Variants in KMT2A observed in about 807,000 individuals in gnomAD.
KMT2A encodes the protein lysine methyltransferase 2A.
In KMT2A, 16 loss-of-function variants were observed where a neutral mutation model predicts 345.3. The ratio of observed to expected loss-of-function variants is 0.05; its 90% confidence interval spans 0.03 to 0.07. The LOEUF is 0.07. Among genes scored for constraint, KMT2A ranks in the 10% least tolerant of loss-of-function variants. KMT2A has a pLI of 1.00. For synonymous variants in KMT2A, 1,599 were observed against 1,778.6 expected (o/e 0.90, Z 2.54); for missense variants, 3,272 against 4,841.6 (o/e 0.68, Z 9.62).
Position 118,490,124 on chromosome 11 carries a change from T to G in KMT2A, c.4576-5T>G. 1 of 1,604,550 alleles carries G rather than the reference T, an allele frequency of 6.2e-7. No individual in the cohort carries two copies. The highest frequency in any genetic ancestry group is 8.5e-7 in the Non-Finnish European group (1 of 1,177,732). On this transcript the variant is annotated splice_polypyrimidine_tract_variant and splice_region_variant and intron_variant, in intron 12 of 35. Coordinates refer to ENST00000534358, the MANE Select transcript of KMT2A (RefSeq NM_001197104.2). The surrounding 1 kb of genome is among the most constrained non-coding windows in gnomAD (Gnocchi z 4.2). ...TCCTATTGAATTTCTTTTCTTCTTT[T>G]CTAGATCTGTACCAAGTGTGTTCGC...
chr11:118,503,720 C>G lies in KMT2A; in HGVS notation c.7828C>G (p.Gln2610Glu). Residue 2610 changes from glutamine to glutamate, a missense_variant, in exon 27 of 36, where the codon CAG becomes GAG. Around this residue, in one of 27 missense-constraint regions of KMT2A, gnomAD observed 445 missense variants for 500.9 expected, o/e 0.89. Coordinates refer to ENST00000534358, the MANE Select transcript of KMT2A (RefSeq NM_001197104.2). This position sits in a 1 kb window ranked among gnomAD's most constrained non-coding sequence, Gnocchi z 5.3. ...AATGCTTCCAGATGGCCCCAAACCT[C>G]AGGAGGATGGCTCTTTTAAAAGGAG... ...NLMLPDGPKP[Q>E]EDGSFKRRYP... 1 of 1,614,204 alleles carries G rather than the reference C, an allele frequency of 6.2e-7. No individual in the cohort carries two copies. The highest frequency in any genetic ancestry group is 8.5e-7 in the Non-Finnish European group (1 of 1,180,040).
chr11:118,503,361 T>C lies in KMT2A; in HGVS notation c.7469T>C (p.Ile2490Thr). Reference protein sequence around the residue: ...RPCNNVSSDKIGDKGLSMPGV... With the variant: ...RPCNNVSSDKTGDKGLSMPGV... The stretch of plus-strand genomic sequence containing the variant: ...TGTAACAATGTTTCTTCTGATAAGA[T>C]TGGTGATAAAGGCCTTTCTATGCCA... Residue 2490 changes from isoleucine (I) to threonine (T), a missense_variant, in exon 27 of 36, where the codon ATT becomes ACT. By Grantham distance (89) the Ile-to-Thr change is moderately conservative (BLOSUM62 -1). Around this residue, in one of 27 missense-constraint regions of KMT2A, gnomAD observed 445 missense variants for 500.9 expected, o/e 0.89. Coordinates refer to ENST00000534358, the MANE Select transcript of KMT2A (RefSeq NM_001197104.2). This position sits in a 1 kb window ranked among gnomAD's most constrained non-coding sequence, Gnocchi z 5.3. 6.2e-7 allele frequency: 1 copy of C among 1,614,110 alleles called. No individual in the cohort carries two copies. The highest frequency in any genetic ancestry group is 8.5e-7 in the Non-Finnish European group (1 of 1,180,014).
chr11:118,512,259 T>G (rs1226869224), intron 31 of KMT2A: 2 of 551,496 alleles, frequency 3.6e-6, no homozygotes, highest in South Asian at 2.5e-5. Context: ...AACATTCTCA[T>G]CATCCCTAAA....
rs1206752804 is a variant in KMT2A, at chr11:118,436,692, G to GGCGGCC, written c.186_191dup (p.Ala66_Ala67dup). The GGCGGCC allele has an allele frequency of 6.1e-6, 8 of 1,303,540 alleles. No homozygotes were observed. The highest frequency in any genetic ancestry group is 7.8e-6 in the Non-Finnish European group (8 of 1,023,038). The allele number at this position is 1,303,540 out of a possible 1,614,324, so 80.7% of individuals were successfully genotyped here. A position where few individuals can be genotyped will look rare whatever the true frequency, so the allele number is the denominator to read the frequency against. On this transcript the variant is annotated inframe_insertion, in exon 1 of 36. Coordinates refer to ENST00000534358, the MANE Select transcript of KMT2A (RefSeq NM_001197104.2). This position sits in a 1 kb window ranked among gnomAD's most constrained non-coding sequence, Gnocchi z 6.9. ...GGGCGCCCCCCTCCCCCCCGGCTGT[G>GGCGGCC]GCGGCCGCGGCGGCGGCGGCGGGAA...
chr11:118,521,057 T>A lies in KMT2A; in HGVS notation c.11513+172T>A. 2 of 654,034 alleles carry A rather than the reference T, an allele frequency of 3.1e-6. No individual in the cohort carries two copies. Among genetic ancestry groups the A allele is most frequent in the Non-Finnish European group, 5.4e-6 (2 of 370,318 alleles). 40.5% of individuals were successfully genotyped at this position (654,034 alleles called of 1,614,324 possible). On this transcript the variant is annotated intron_variant, in intron 34 of 35. Transcript: ENST00000534358. The surrounding 1 kb of genome is among the most constrained non-coding windows in gnomAD (Gnocchi z 5.3). The stretch of plus-strand genomic sequence containing the variant: ...CACCTCCTTGTGTTGAACAAGGACT[T>A]TAACATAATAAGCATTAAAATATTA...
At position 118,505,001 on chromosome 11, in the gene KMT2A, C is replaced by T. The variant is rs1950556859; in HGVS notation, c.9109C>T (p.Pro3037Ser). The change falls in exon 27 of 36, where the codon CCT becomes TCT. Residue 3037 changes from proline (P) to serine (S), a missense_variant. Physicochemically the swap from Pro to Ser is moderately conservative, Grantham distance 74. Around this residue, in one of 27 missense-constraint regions of KMT2A, gnomAD observed 748 missense variants for 922.2 expected, o/e 0.81. Coordinates refer to ENST00000534358, the MANE Select transcript of KMT2A (RefSeq NM_001197104.2). The surrounding 1 kb of genome is among the most constrained non-coding windows in gnomAD (Gnocchi z 4.6). ...RNSSTPGLQV[P>S]VSPTVPIQNQ... ...CAGTAGCACCCCTGGCCTTCAGGTA[C>T]CTGTTTCCCCAACTGTTCCCATCCA... 1 of 1,613,984 alleles carries T rather than the reference C, an allele frequency of 6.2e-7. No homozygotes were observed. The highest frequency in any genetic ancestry group is 1.7e-5 in the Admixed American group (1 of 60,000).
chr11:118,489,691 C>T, intron 11 of KMT2A, 101 bp from the exon 12 acceptor site: 1 of 862,860 alleles, frequency 1.2e-6, no homozygotes, highest in Non-Finnish European at 1.9e-6. Context: ...TAATTGTGTG[C>T]TGTACTTACT....
chr11:118,498,031 A>G lies in KMT2A; in HGVS notation c.5760A>G (p.Ser1920=), dbSNP rs781956838. The change falls in exon 21 of 36, where the codon TCA becomes TCG. Residue 1920 remains serine, a synonymous_variant. Coordinates refer to ENST00000534358, the MANE Select transcript of KMT2A (RefSeq NM_001197104.2). This position sits in a 1 kb window ranked among gnomAD's most constrained non-coding sequence, Gnocchi z 4.4. ...AAGTGTTTGAAGATGATGACGGATC[A>G]CTAAAGAATGTGCATATGGCTGTGA... The part of the protein sequence containing the change: ...SAEVFEDDDG[S]LKNVHMAVIR... The G allele has an allele frequency of 1.2e-6, 2 of 1,614,192 alleles. No individual in the cohort carries two copies. The highest frequency in any genetic ancestry group is 2.2e-5 in the South Asian group (2 of 91,080).
At chr11:118,469,530 G>C (rs376213306) in intron 2 of KMT2A, among the ~76,000 whole-genome samples, 44 of 152,278 alleles carry the variant, frequency 2.9e-4, no homozygotes, top group African/African-American at 1.0e-3. Flanking sequence ...AGAATATCTT[G>C]AAATTCTAGA....
At position 118,481,772 on chromosome 11, in the gene KMT2A, G is replaced by A. The variant is rs1950136860; in HGVS notation, c.3692G>A (p.Ser1231Asn). 6.2e-7 allele frequency: 1 copy of A among 1,614,194 alleles called. No individual in the cohort carries two copies. ...AGTGAAAAGAAAGACAGCAAAGAGA[G>A]CAGTGTTGTGAAGAACGTGGTGGAC... ...KTSEKKDSKE[S>N]SVVKNVVDSS... The change falls in exon 7 of 36, where the codon AGC becomes AAC. Residue 1231 changes from serine to asparagine, a missense_variant. By Grantham distance (46) the Ser-to-Asn change is conservative (BLOSUM62 1). Coordinates refer to ENST00000534358, the MANE Select transcript of KMT2A (RefSeq NM_001197104.2).
At position 118,491,460 on chromosome 11, in the gene KMT2A, A is replaced by G. The variant is rs916734399; in HGVS notation, c.4819+142A>G. The stretch of plus-strand genomic sequence containing the variant: ...TTTTTTAGTCTCTAGAATAAGCAGC[A>G]TTGTATTATTTGTGCTCACTTATCT... On this transcript the variant is annotated intron_variant, in intron 14 of 35. Coordinates refer to ENST00000534358, the MANE Select transcript of KMT2A (RefSeq NM_001197104.2). This position sits in a 1 kb window ranked among gnomAD's most constrained non-coding sequence, Gnocchi z 4.2. 3.5e-5 allele frequency: 29 copies of G among 829,008 alleles called. No individual in the cohort carries two copies. The highest frequency in any genetic ancestry group is 4.7e-5 in the Non-Finnish European group (26 of 549,376). The allele number at this position is 829,008 out of a possible 1,614,324, so 51.4% of individuals were successfully genotyped here.
Position 118,499,888 on chromosome 11 carries a change from G to C in KMT2A, c.6133G>C (p.Asp2045His). The change falls in exon 24 of 36, where the codon GAT (aspartate) becomes CAT (histidine). Residue 2045 changes from aspartate to histidine, a missense_variant. This residue lies in a region of KMT2A where 235 missense variants were observed against 503.4 expected (regional missense o/e 0.47). Transcript: ENST00000534358. ...TCTAAATGATCTCTCCGACTGTGAA[G>C]ATAAGCTCTTTCCTATTGGATATCA... ...GILNDLSDCE[D>H]KLFPIGYQCS... The C allele has an allele frequency of 6.2e-7, 1 of 1,612,338 alleles. No homozygotes were observed. The highest frequency in any genetic ancestry group is 8.5e-7 in the Non-Finnish European group (1 of 1,178,394).
At chr11:118,477,174 G>T (rs1950051942) in intron 4 of KMT2A, among the ~76,000 whole-genome samples, 192 bp downstream of exon 4, 1 of 152,190 alleles carries the variant, frequency 6.6e-6, no homozygotes, top group Non-Finnish European at 1.5e-5. Context: ...GCCAGGGAAG[G>T]CTGGGAGAGC....
intron 25 of KMT2A, 104 bp from the exon 26 acceptor site, chr11:118,501,568 T>C (rs1555045652): frequency 1.1e-6 from 1 of 925,478 alleles, no homozygotes; most frequent in African/African-American, 1.7e-5. Flanking sequence ...AAGTCTCATT[T>C]GCTTCTAGTT....
rs782669019 is a variant in KMT2A, at chr11:118,503,548, A to G, written c.7656A>G (p.Gln2552=). Residue 2552 remains glutamine (Q), a synonymous_variant, in exon 27 of 36, where the codon CAA becomes CAG. Coordinates refer to ENST00000534358, the MANE Select transcript of KMT2A (RefSeq NM_001197104.2). The surrounding 1 kb of genome is among the most constrained non-coding windows in gnomAD (Gnocchi z 5.3). ...AAAGTAGTCCTGCTTCCCCTTTGCA[A>G]ATAGAGTCAACATCTCCCACAGAAC... is the stretch of plus-strand genomic sequence containing the variant. ...LKESSPASPL[Q]IESTSPTEPI... is the part of the protein sequence containing the mutation. 2.5e-6 allele frequency: 4 copies of G among 1,614,050 alleles called. No individual in the cohort carries two copies. The African/African-American group carries it at 5.3e-5, about 22-fold the overall frequency.
chr11:118,520,029 T>G lies in KMT2A; in HGVS notation c.11394T>G (p.Asp3798Glu), dbSNP rs1338736790. ...HRQPPEYNPN[D>E]EEEEEVQLKS... is the part of the protein sequence containing the mutation. ...AGCCTCCTGAATACAACCCCAATGATGAAGAAGAGGAGGAGGTACAGCTGA... is the reference window on the plus strand; with the variant it reads ...AGCCTCCTGAATACAACCCCAATGAGGAAGAAGAGGAGGAGGTACAGCTGA... Residue 3798 changes from aspartate (D) to glutamate (E), a missense_variant, in exon 33 of 36, where the codon GAT becomes GAG. By Grantham distance (45) the Asp-to-Glu change is conservative. Transcript: ENST00000534358. The surrounding 1 kb of genome is among the most constrained non-coding windows in gnomAD (Gnocchi z 4.3). The G allele has an allele frequency of 1.9e-6, 3 of 1,613,956 alleles. No individual in the cohort carries two copies. The highest frequency in any genetic ancestry group is 2.5e-6 in the Non-Finnish European group (3 of 1,179,948).
At chr11:118,460,406 G>A (rs1555032287) in intron 1 of KMT2A, among the ~76,000 whole-genome samples, 3 of 151,260 alleles carry the variant, frequency 2.0e-5, no homozygotes, top group African/African-American at 7.3e-5. Flanking sequence ...TCCTACCTCA[G>A]CCTCCCGAGT....
chr11:118,503,305 T>G lies in KMT2A; in HGVS notation c.7413T>G (p.Val2471=). The G allele has an allele frequency of 6.2e-7, 1 of 1,614,106 alleles. No individual in the cohort carries two copies. The highest frequency in any genetic ancestry group is 8.5e-7 in the Non-Finnish European group (1 of 1,179,952). ...TGAAGCCAGAGTTTATGGATGAGGT[T>G]TTGACTCCTGAGTATATGGGCCAAC... is the stretch of plus-strand genomic sequence containing the variant. ...GNLKPEFMDE[V]LTPEYMGQRP... is the part of the protein sequence containing the mutation. The change falls in exon 27 of 36, where the codon GTT becomes GTG. Residue 2471 remains valine, a synonymous_variant. Coordinates refer to ENST00000534358, the MANE Select transcript of KMT2A (RefSeq NM_001197104.2). The surrounding 1 kb of genome is among the most constrained non-coding windows in gnomAD (Gnocchi z 5.3).
At chr11:118,464,200 C>G (rs1555033558) in intron 1 of KMT2A, among the ~76,000 whole-genome samples, 2 of 152,164 alleles carry the variant, frequency 1.3e-5, no homozygotes, top group African/African-American at 2.4e-5. Flanking sequence ...TAGCCAACAC[C>G]ATAGACATCT....
Sources: gnomAD v4.1 joint callset for allele counts (sites outside exome capture counted in the v4.1 genomes callset) on GRCh38, gnomAD v4.1.1 for gene constraint, gnomAD v4.1.1 regional missense constraint, Gnocchi (gnomAD v3.1) non-coding constraint, MANE v1.5 for transcripts, NCBI Gene and HGNC (gene_info 2026-07-23, HGNC 2026-07-21) for gene names.